SLC7A8: variants seen among roughly 807,000 people sequenced by gnomAD.
SLC7A8 encodes large neutral amino acids transporter small subunit 2.
Under a neutral mutation model 51.2 loss-of-function variants are expected in SLC7A8, and 30 were observed. That is an observed-to-expected ratio of 0.59 (90% CI 0.44 to 0.80). The LOEUF is 0.80. SLC7A8 is among the 30% of genes least tolerant of loss of function. SLC7A8 has a pLI of 0.00. For missense variants in SLC7A8, 612 were observed against 674.4 expected (o/e 0.91, Z 1.03); for synonymous variants, 257 against 275.8 (o/e 0.93, Z 0.67).
intron 7 of SLC7A8, among the ~76,000 whole-genome samples, chr14:23,134,842 T>A (rs2048674179): frequency 6.6e-6 from 1 of 152,240 alleles, no homozygotes; most frequent in Non-Finnish European, 1.5e-5. Context: ...TTTGCCCAGT[T>A]TCCTCCATTG....
chr14:23,139,308 T>C lies in SLC7A8; in HGVS notation c.912+116A>G, dbSNP rs1368247549. On this transcript the variant is annotated intron_variant, in intron 6 of 10. Transcript: ENST00000316902. ...CATATGTGGTTTCTGCCCTGAGAAC[T>C]TGGGGGTGATTTCCACTTCCACAAG... 6 of 1,517,684 alleles carry C rather than the reference T, an allele frequency of 4.0e-6. No homozygotes were observed. In the African/African-American group the frequency reaches 8.2e-5, roughly 21 times the overall value. 94.0% of individuals were successfully genotyped at this position (1,517,684 alleles called of 1,614,324 possible).
chr14:23,148,418 G>A (rs2048817367), intron 3 of SLC7A8, among the ~76,000 whole-genome samples: 2 of 151,982 alleles, frequency 1.3e-5, no homozygotes, highest in Admixed American at 6.6e-5. Flanking sequence ...TAGTAGAGAC[G>A]GGTTTCACCA....
At position 23,128,119 on chromosome 14, in the gene SLC7A8, C is replaced by T; in HGVS notation, c.1341G>A (p.Val447=). ...LLVFSLWSEP[V]VCGIGLAIML... ...TGATGGCCAGGCCAATGCCACACAC[C>T]ACCGGCTCTGACCACAGGCTGAAGA... Residue 447 remains valine, a synonymous_variant, in exon 10 of 11, where the codon GTG becomes GTA. Coordinates refer to ENST00000316902, the MANE Select transcript of SLC7A8 (RefSeq NM_012244.4). This position sits in a 1 kb window ranked among gnomAD's most constrained non-coding sequence, Gnocchi z 4.3. 3 of 1,614,176 alleles carry T rather than the reference C, an allele frequency of 1.9e-6. No individual in the cohort carries two copies. The highest frequency in any genetic ancestry group is 1.1e-5 in the South Asian group (1 of 91,084).
At chr14:23,132,320 A>T (rs2048644606) in intron 7 of SLC7A8, among the ~76,000 whole-genome samples, 3 of 152,006 alleles carry the variant, frequency 2.0e-5, no homozygotes, top group African/African-American at 7.3e-5. Flanking sequence ...CTCTTGTCCT[A>T]GTCAGAGAGT....
At chr14:23,171,761 A>G (rs1342859652) in intron 1 of SLC7A8, among the ~76,000 whole-genome samples, 1 of 152,170 alleles carries the variant, frequency 6.6e-6, no homozygotes, top group African/African-American at 2.4e-5. Context: ...CAGGTCTGGC[A>G]TGTGGGGCCC....
Position 23,182,854 on chromosome 14 carries a change from A to T in SLC7A8, c.61T>A (p.Ser21Thr). Reference sequence around the variant, plus strand: ...GAACCAGCCTCGGGGCTGGCGTCCGACTCGCCCCCACCTGGGTGTTTCTTT... The same window carrying T: ...GAACCAGCCTCGGGGCTGGCGTCCGTCTCGCCCCCACCTGGGTGTTTCTTT... ...TEKKHPGGGESDASPEAGSGG... is the reference protein window; with the variant it reads ...TEKKHPGGGETDASPEAGSGG... Residue 21 changes from serine to threonine, a missense_variant, in exon 1 of 11, where the codon TCG (serine) becomes ACG (threonine). Coordinates refer to ENST00000316902, the MANE Select transcript of SLC7A8 (RefSeq NM_012244.4). 1 of 1,613,482 alleles carries T rather than the reference A, an allele frequency of 6.2e-7. No individual in the cohort carries two copies. The highest frequency in any genetic ancestry group is 8.5e-7 in the Non-Finnish European group (1 of 1,179,856).
intron 3 of SLC7A8, among the ~76,000 whole-genome samples, chr14:23,153,412 C>T (rs1398633595): frequency 6.6e-6 from 1 of 152,160 alleles, no homozygotes; most frequent in Non-Finnish European, 1.5e-5. Flanking sequence ...GATCACTCTG[C>T]TTTCCCTTGG....
intron 1 of SLC7A8, among the ~76,000 whole-genome samples, chr14:23,179,779 C>T (rs1036571195): frequency 5.3e-5 from 8 of 151,944 alleles, no homozygotes; most frequent in Admixed American, 5.2e-4. Flanking sequence ...CACAGCACTC[C>T]AGCCTAGGCA....
At chr14:23,157,240 T>G (rs2048898704) in intron 3 of SLC7A8, among the ~76,000 whole-genome samples, 2 of 152,222 alleles carry the variant, frequency 1.3e-5, no homozygotes, top group South Asian at 4.1e-4. Context: ...CCTTCAACCT[T>G]AATCACCAAG....
chr14:23,150,735 C>A (rs1594830620), intron 3 of SLC7A8, among the ~76,000 whole-genome samples: 1 of 152,206 alleles, frequency 6.6e-6, no homozygotes. Flanking sequence ...CTGACACTCA[C>A]AGGCAAAGCA....
At chr14:23,148,022 TC>T (rs2048813148) in intron 3 of SLC7A8, among the ~76,000 whole-genome samples, 1 of 152,138 alleles carries the variant, frequency 6.6e-6, no homozygotes, top group Non-Finnish European at 1.5e-5. Flanking sequence ...CTCAGCCCCA[TC>T]CCAGCTCTGA....
At chr14:23,172,822 A>G (rs1362778865) in intron 1 of SLC7A8, among the ~76,000 whole-genome samples, 1 of 152,222 alleles carries the variant, frequency 6.6e-6, no homozygotes, top group Non-Finnish European at 1.5e-5. Context: ...TCTGGGCTTC[A>G]TTGAAGTTTG....
chr14:23,158,550 T>C (rs1029932530), intron 3 of SLC7A8, among the ~76,000 whole-genome samples: 3 of 152,188 alleles, frequency 2.0e-5, no homozygotes, highest in African/African-American at 7.2e-5. Context: ...TTCACCATAT[T>C]GGGCAGGCTG....
intron 3 of SLC7A8, among the ~76,000 whole-genome samples, chr14:23,162,810 G>C (rs2048930764): frequency 6.6e-6 from 1 of 152,162 alleles, no homozygotes; most frequent in African/African-American, 2.4e-5. Flanking sequence ...AAGCCATGGG[G>C]TCTGGCTGCC....
At chr14:23,133,492 G>A (rs1382897091) in intron 7 of SLC7A8, among the ~76,000 whole-genome samples, 1 of 151,214 alleles carries the variant, frequency 6.6e-6, no homozygotes, top group African/African-American at 2.4e-5. Context: ...TATCGTAAGT[G>A]CCTAAAAGTA....
At chr14:23,136,540 G>A (rs1417578243) in intron 7 of SLC7A8, among the ~76,000 whole-genome samples, 1 of 152,152 alleles carries the variant, frequency 6.6e-6, no homozygotes, top group Non-Finnish European at 1.5e-5. Context: ...CCCTACCCGA[G>A]AACACAAAGG....
intron 7 of SLC7A8, 95 bp downstream of exon 7, chr14:23,137,826 A>C: frequency 1.3e-6 from 2 of 1,489,754 alleles, no homozygotes; most frequent in Non-Finnish European, 1.8e-6. Context: ...ATGCCCACAC[A>C]GACCCCTGCT....
chr14:23,130,053 A>T, intron 8 of SLC7A8: 1 of 449,860 alleles, frequency 2.2e-6, no homozygotes, highest in Non-Finnish European at 4.0e-6. Context: ...GCCAATTAGA[A>T]TGGATACTGG....
chr14:23,135,477 C>T (rs1212194111), intron 7 of SLC7A8, among the ~76,000 whole-genome samples: 6 of 150,744 alleles, frequency 4.0e-5, no homozygotes, highest in East Asian at 2.0e-4. Context: ...CTGAGGCGGG[C>T]GGATCACGAG....
Sources: gnomAD v4.1 joint callset for allele counts (sites outside exome capture counted in the v4.1 genomes callset) on GRCh38, gnomAD v4.1.1 for gene constraint, Gnocchi (gnomAD v3.1) non-coding constraint, MANE v1.5 for transcripts, NCBI Gene and HGNC (gene_info 2026-07-23, HGNC 2026-07-21) for gene names.